Variants in ETFA observed in about 807,000 individuals in gnomAD.
ETFA encodes electron transfer flavoprotein subunit alpha, also known as electron transfer flavoprotein subunit alpha, mitochondrial.
A neutral mutation model predicts 46.2 loss-of-function variants in ETFA; 22 were observed. That is an observed-to-expected ratio of 0.48 (90% CI 0.34 to 0.68). The LOEUF (loss-of-function observed/expected upper bound fraction) is 0.68, where lower values mean the gene tolerates loss of function less well. Ranked by LOEUF, ETFA falls within the 30% of genes least tolerant of loss-of-function variation. The pLI is 0.01. For synonymous variants in ETFA, 131 were observed against 139.9 expected, an observed-to-expected ratio of 0.94 and a Z score of 0.45; for missense variants, 345 against 401.1, an observed-to-expected ratio of 0.86 and a Z score of 1.19.
At chr15:76,250,354 C>T (rs1427374309) in intron 9 of ETFA, among the ~76,000 whole-genome samples, 1 of 151,672 alleles carries the variant, frequency 6.6e-6, no homozygotes, top group African/African-American at 2.4e-5. Context: ...GTATGGTACA[C>T]GAACAAGGCT....
chr15:76,301,721 A>G (rs1343215280), intron 1 of ETFA, among the ~76,000 whole-genome samples: 2 of 152,164 alleles, frequency 1.3e-5, no homozygotes, highest in Non-Finnish European at 2.9e-5. Flanking sequence ...AAAACAAAAC[A>G]AAACAAAACA....
intron 9 of ETFA, among the ~76,000 whole-genome samples, chr15:76,257,906 A>G (rs1022598066): frequency 2.0e-5 from 3 of 151,166 alleles, no homozygotes; most frequent in African/African-American, 7.3e-5. Flanking sequence ...TTCTCAGTAA[A>G]TTATCGCAAG....
Position 76,276,454 on chromosome 15 carries a change from T to C in ETFA, c.734-1960A>G, listed in dbSNP as rs572615699. Among the ~76,000 whole-genome samples, 428 of 152,256 alleles carry C rather than the reference T, an allele frequency of 2.8e-3. 3 individuals are homozygous for C. The highest frequency in any genetic ancestry group is 6.8e-3 in the Middle Eastern group (2 of 294). On this transcript the variant is annotated intron_variant, in intron 8 of 11. Coordinates refer to ENST00000557943, the MANE Select transcript of ETFA (RefSeq NM_000126.4). ...GGCATTTCTCATATTTGGTGTTCTC[T>C]CAGCTTCCTAGATCTGTGGATTGGT...
At chr15:76,261,673 G>A (rs577177416) in intron 9 of ETFA, 2 of 362,280 alleles carry the variant, frequency 5.5e-6, no homozygotes, top group South Asian at 8.4e-5. Context: ...GCCGCCCCAT[G>A]CTGTGCCTCA....
chr15:76,259,036 G>A, intron 9 of ETFA: 1 of 1,606,854 alleles, frequency 6.2e-7, no homozygotes, highest in Non-Finnish European at 8.5e-7. Context: ...AAAAGCCTCT[G>A]TGTCTCATTG....
At chr15:76,296,968 T>C (rs1358738510) in intron 1 of ETFA, among the ~76,000 whole-genome samples, 1 of 152,134 alleles carries the variant, frequency 6.6e-6, no homozygotes, top group Non-Finnish European at 1.5e-5. Context: ...AATGGCACCA[T>C]AGGCATAAGG....
chr15:76,243,997 G>A (rs1482004174), intron 9 of ETFA, among the ~76,000 whole-genome samples: 1 of 151,800 alleles, frequency 6.6e-6, no homozygotes, highest in Non-Finnish European at 1.5e-5. Flanking sequence ...AGCAATTCTC[G>A]TGCCTCAGCC....
rs2039351497 is a variant in ETFA at position 76,256,959 on chromosome 15, G to T, written c.816+17453C>A. Reference sequence around the variant, plus strand: ...GGTGTTTAGTAGACTATGCCATCTAGGTTTGTGTAAGTACACTCTATGATG... The same window carrying T: ...GGTGTTTAGTAGACTATGCCATCTATGTTTGTGTAAGTACACTCTATGATG... On this transcript the variant is annotated intron_variant, in intron 9 of 11. Transcript: ENST00000557943. Among the ~76,000 whole-genome samples, 4 of 152,146 alleles carry T rather than the reference G, an allele frequency of 2.6e-5. No individual in the cohort carries two copies. In the South Asian group the frequency reaches 8.3e-4, roughly 32 times the overall value.
At chr15:76,284,470 CA>C in intron 7 of ETFA, 1 of 208,414 alleles carries the variant, frequency 4.8e-6, no homozygotes, top group South Asian at 7.9e-5. Context: ...ACTAAAAATA[CA>C]AAATTATTAT....
At chr15:76,270,864 A>C (rs1051721927) in intron 9 of ETFA, among the ~76,000 whole-genome samples, 1 of 152,196 alleles carries the variant, frequency 6.6e-6, no homozygotes, top group Non-Finnish European at 1.5e-5. Context: ...TGATATAAAC[A>C]AATGAATAAA....
At chr15:76,226,101 A>C (rs1033676083) in intron 10 of ETFA, 172 bp from the exon 11 acceptor site, 2 of 593,854 alleles carry the variant, frequency 3.4e-6, no homozygotes, top group Non-Finnish European at 5.9e-6. Context: ...TTGGAATGTA[A>C]TAAAATTCTC....
intron 9 of ETFA, among the ~76,000 whole-genome samples, chr15:76,251,857 G>C (rs2039301722): frequency 6.6e-6 from 1 of 152,134 alleles, no homozygotes; most frequent in Non-Finnish European, 1.5e-5. Flanking sequence ...TAGGCAATTA[G>C]TGTACACTGA....
intron 9 of ETFA, among the ~76,000 whole-genome samples, chr15:76,272,805 A>AAT (rs1379336424): frequency 2.5e-5 from 2 of 78,496 alleles, no homozygotes; most frequent in Non-Finnish European, 5.9e-5. Context: ...TGTCTCTTAA[A>AAT]ATATATACAT....
At chr15:76,236,841 T>C (rs2039128784) in intron 9 of ETFA, among the ~76,000 whole-genome samples, 1 of 152,218 alleles carries the variant, frequency 6.6e-6, no homozygotes, top group African/African-American at 2.4e-5. Context: ...CTATCAAATT[T>C]TGTTCTCCAG....
rs1376197978 is a variant in ETFA, at chr15:76,228,125, T to TA, written c.883-2197dup. 5.6e-5 allele frequency: 21 copies of TA among 372,352 alleles called. 2 individuals carry two copies. The highest frequency in any genetic ancestry group is 4.1e-4 in the South Asian group (20 of 49,172). 23.1% of individuals were successfully genotyped at this position (372,352 alleles called of 1,614,324 possible). A position where few individuals can be genotyped will look rare whatever the true frequency, so the allele number is the denominator to read the frequency against. ...GTAAATTATTCTTCTAGAGGCCACT[T>TA]AGTCAGACATCTGGGAGTTTAATCA... On this transcript the variant is annotated intron_variant, in intron 10 of 11. Transcript: ENST00000557943.
intron 9 of ETFA, among the ~76,000 whole-genome samples, chr15:76,254,128 G>A (rs2039327472): frequency 6.6e-6 from 1 of 152,166 alleles, no homozygotes; most frequent in African/African-American, 2.4e-5. Flanking sequence ...AGGGATAAAA[G>A]CCAATCCGAA....
chr15:76,264,494 CCTT>C (rs1466562792), intron 9 of ETFA, among the ~76,000 whole-genome samples: 2 of 152,172 alleles, frequency 1.3e-5, no homozygotes. Context: ...GGAAAAATAT[CCTT>C]CTTTCAGTTG....
chr15:76,299,595 T>C (rs999516901), intron 1 of ETFA, among the ~76,000 whole-genome samples: 2 of 152,170 alleles, frequency 1.3e-5, no homozygotes, highest in African/African-American at 2.4e-5. Flanking sequence ...TGATGTTTCT[T>C]AAACTGCCAA....
At chr15:76,303,074 G>A (rs1403686197) in intron 1 of ETFA, among the ~76,000 whole-genome samples, 1 of 152,138 alleles carries the variant, frequency 6.6e-6, no homozygotes, top group African/African-American at 2.4e-5. Context: ...AGAGGCCGAG[G>A]CGAGTGGATC....
Sources: gnomAD v4.1 joint callset for allele counts (sites outside exome capture counted in the v4.1 genomes callset) on GRCh38, gnomAD v4.1.1 for gene constraint, MANE v1.5 for transcripts, NCBI Gene and HGNC (gene_info 2026-07-23, HGNC 2026-07-21) for gene names.